Variants in PKD1 observed in about 807,000 individuals in gnomAD.
The protein encoded by PKD1 is polycystin-1.
A neutral mutation model predicts 361.7 loss-of-function variants in PKD1; 81 were observed. The ratio of observed to expected loss-of-function variants is 0.22; its 90% CI spans 0.19 to 0.27. The LOEUF is 0.27. Ranked by LOEUF, PKD1 falls within the 10% of genes least tolerant of loss-of-function variation. The pLI is 1.00. For synonymous variants in PKD1, 3,615 were observed against 2,818.3 expected, an observed-to-expected ratio of 1.28 and a Z score of -8.95; for missense variants, 6,399 against 6,118.3, an observed-to-expected ratio of 1.05 and a Z score of -1.53.
chr16:2,127,361 T>G (rs941274732), intron 1 of PKD1, among the ~76,000 whole-genome samples: 1 of 152,002 alleles, frequency 6.6e-6, no homozygotes, highest in African/African-American at 2.4e-5. Flanking sequence ...CACCCAGATG[T>G]AGGCACAAGC....
At chr16:2,096,950 A>C in intron 34 of PKD1, 198 bp downstream of exon 34, 1 of 603,164 alleles carries the variant, frequency 1.7e-6, no homozygotes, top group Non-Finnish European at 3.0e-6. Flanking sequence ...CCCTCCCTAG[A>C]GGGAAGGTTC....
Position 2,090,812 on chromosome 16 carries a change from C to G in PKD1, c.12004-4G>C, listed in dbSNP as rs368567158. On this transcript the variant is annotated splice_region_variant and splice_polypyrimidine_tract_variant and intron_variant, in intron 43 of 45. Coordinates refer to ENST00000262304, the MANE Select transcript of PKD1 (RefSeq NM_001009944.3). ...CGAAGCGTAGCTGCTGGGCAGCCTG[C>G]GGACGAGAAATCTGTCTGCTTGCAG... 4 of 1,612,144 alleles carry G rather than the reference C, an allele frequency of 2.5e-6. No homozygotes were observed. The highest frequency in any genetic ancestry group is 1.3e-5 in the African/African-American group (1 of 74,940).
intron 41 of PKD1, 70 bp from the exon 42 acceptor site, chr16:2,091,667 CGTGGCTGA>C (rs2091587945): frequency 3.8e-6 from 6 of 1,559,110 alleles, no homozygotes; most frequent in Admixed American, 3.7e-5. Context: ...GCAGTGCAGG[CGTGGCTGA>C]GGGGCTGTGG....
At chr16:2,097,638 A>T in intron 32 of PKD1, 90 bp downstream of exon 32, 1 of 1,610,556 alleles carries the variant, frequency 6.2e-7, no homozygotes, top group Non-Finnish European at 8.5e-7. Context: ...GGAGCCACAG[A>T]CACCCAGCAA....
chr16:2,115,144 A>C (rs1031022515), intron 10 of PKD1: 1 of 904,088 alleles, frequency 1.1e-6, no homozygotes, highest in Non-Finnish European at 1.3e-6. Context: ...AGGAAGGAGC[A>C]GCTGTGCTGG....
At chr16:2,129,356 C>G (rs965977047) in intron 1 of PKD1, among the ~76,000 whole-genome samples, 3 of 151,172 alleles carry the variant, frequency 2.0e-5, no homozygotes, top group Non-Finnish European at 4.4e-5. Flanking sequence ...AGGCTGGCCT[C>G]AAACTCCTGG....
intron 16 of PKD1, 144 bp downstream of exon 16, chr16:2,107,739 G>A (rs1170530244): frequency 6.5e-6 from 5 of 771,972 alleles, no homozygotes; most frequent in Admixed American, 2.1e-5. Context: ...AGCTGAAGCA[G>A]GCTGTCGTGT....
rs541068554 is a variant in PKD1 at position 2,114,916 on chromosome 16, G to A, written c.2107C>T (p.His703Tyr). Residue 703 changes from histidine to tyrosine, a missense_variant, in exon 11 of 46, where the codon CAC becomes TAC. Physicochemically the swap from His to Tyr is moderately conservative, Grantham distance 83. Transcript: ENST00000262304. ...GPPAQYSVTLHGQDVLMLPGD... is the reference protein window; with the variant it reads ...GPPAQYSVTLYGQDVLMLPGD... The stretch of plus-strand genomic sequence containing the variant: ...GGGAGCATGAGGACATCCTGGCCGT[G>A]GAGGGTGACCTGTGGAGAGGGAGGC... 8.5e-6 allele frequency: 13 copies of A among 1,530,654 alleles called. No homozygotes were observed. The South Asian group carries it at 1.4e-4, about 17-fold the overall frequency. The allele number at this position is 1,530,654 out of a possible 1,614,324, so 94.8% of individuals were successfully genotyped here.
chr16:2,099,732 T>C lies in PKD1; in HGVS notation c.9962A>G (p.Asp3321Gly), dbSNP rs2092010200. The change falls in exon 30 of 46, where the codon GAC (aspartate) becomes GGC (glycine). Residue 3321 changes from aspartate to glycine, a missense_variant. Transcript: ENST00000262304. ...HVSRLSPLSV[D>G]TVAVGLVSSV... ...GGACACCAGGCCAACAGCGACTGTG[T>C]CGACGCTCAGCGGGCTCAGCCTGGA... 6.4e-7 allele frequency: 1 copy of C among 1,568,178 alleles called. No homozygotes were observed. The highest frequency in any genetic ancestry group is 1.4e-5 in the African/African-American group (1 of 73,814).
At position 2,089,375 on chromosome 16, in the gene PKD1, C is replaced by A. The variant is rs1001905592; in HGVS notation, c.*352G>T. On this transcript the variant is annotated 3_prime_UTR_variant, in exon 46 of 46. Transcript: ENST00000262304. ...CAGGGTGGCGGCGGTGCAGGCTAACCCTCCCTGAAGCCAGCAGCCTTAGCA... is the reference window on the plus strand; with the variant it reads ...CAGGGTGGCGGCGGTGCAGGCTAACACTCCCTGAAGCCAGCAGCCTTAGCA... The A allele has an allele frequency of 2.5e-6, 1 of 395,978 alleles. No homozygotes were observed. The highest frequency in any genetic ancestry group is 4.6e-6 in the Non-Finnish European group (1 of 215,996). The allele number at this position is 395,978 out of a possible 1,614,324, so 24.5% of individuals were successfully genotyped here. A position where few individuals can be genotyped will look rare whatever the true frequency, so the allele number is the denominator to read the frequency against.
Position 2,099,960 on chromosome 16 carries a change from A to T in PKD1, c.9824T>A (p.Phe3275Tyr), listed in dbSNP as rs1172286668. The part of the protein sequence containing the change: ...SIWDRPPRSR[F>Y]TRIQRATCCV... ...GCAGGTGGCCCTCTGGATGCGAGTG[A>T]AACGGCTACGAGGCGGCCGGTCCCA... Residue 3275 changes from phenylalanine to tyrosine, a missense_variant, in exon 29 of 46, where the codon TTC becomes TAC. Physicochemically the swap from Phe to Tyr is conservative, Grantham distance 22. Transcript: ENST00000262304. 4 of 1,563,830 alleles carry T rather than the reference A, an allele frequency of 2.6e-6. No homozygotes were observed. Among genetic ancestry groups the T allele is most frequent in the Non-Finnish European group, 3.5e-6 (4 of 1,155,694 alleles).
At position 2,097,260 on chromosome 16, in the gene PKD1, T is replaced by TA; in HGVS notation, c.10406-20dup. 1 of 1,600,838 alleles carries TA rather than the reference T, an allele frequency of 6.2e-7. No homozygotes were observed. Among genetic ancestry groups the TA allele is most frequent in the East Asian group, 2.3e-5 (1 of 44,430 alleles). On this transcript the variant is annotated intron_variant, in intron 33 of 45. Coordinates refer to ENST00000262304, the MANE Select transcript of PKD1 (RefSeq NM_001009944.3). ...TCTTCATCTAGAGGTACAGGAGGCA[T>TA]AGGGTGGGCCCAGCTGCAAGGGTGA... is the stretch of plus-strand genomic sequence containing the variant.
intron 11 of PKD1, chr16:2,113,749 G>A (rs1450890827): frequency 3.9e-5 from 14 of 362,750 alleles, no homozygotes; most frequent in Non-Finnish European, 6.7e-5. Flanking sequence ...GTACCCGCAA[G>A]ATGGAGACAG....
At chr16:2,113,326 G>A (rs2092568580) in intron 11 of PKD1, 34 bp from the exon 12 acceptor site, 1 of 1,594,694 alleles carries the variant, frequency 6.3e-7, no homozygotes, top group Middle Eastern at 2.3e-4. Context: ...TGGGCTCTGT[G>A]GAGGACTCTG....
In PKD1 at chr16:2,119,158, C is replaced by T. The variant is rs771238925; in HGVS notation, c.315G>A (p.Thr105=). ...AATTAGCAAATATTCCTTCTTCTAA[C>T]GTAGAAATCTTGTTGTTGCTTATAT... ...ELDISNNKIS[T]LEEGIFANLF... is the part of the protein sequence containing the mutation. The change falls in exon 3 of 46, where the codon ACG becomes ACA. Residue 105 remains threonine, a synonymous_variant. Coordinates refer to ENST00000262304, the MANE Select transcript of PKD1 (RefSeq NM_001009944.3). The T allele has an allele frequency of 3.5e-5, 53 of 1,509,176 alleles. No individual in the cohort carries two copies. The South Asian group carries it at 5.5e-4, about 16-fold the overall frequency. 93.5% of individuals were successfully genotyped at this position (1,509,176 alleles called of 1,614,324 possible). A position where few individuals can be genotyped will look rare whatever the true frequency, so the allele number is the denominator to read the frequency against.
chr16:2,092,424 C>T, intron 39 of PKD1, 56 bp downstream of exon 39: 3 of 1,254,864 alleles, frequency 2.4e-6, no homozygotes, highest in Non-Finnish European at 3.5e-6. Flanking sequence ...CCGCTAAAGG[C>T]TGCTCTCTCA....
intron 1 of PKD1, among the ~76,000 whole-genome samples, chr16:2,124,308 C>T (rs9934045): frequency 0.027 from 4,068 of 152,330 alleles, 199 homozygotes; most frequent in African/African-American, 0.092. Flanking sequence ...AACCCCAGGT[C>T]GGGCCCCCTC....
At position 2,108,586 on chromosome 16, in the gene PKD1, C is replaced by G. The variant is rs746345610; in HGVS notation, c.6581G>C (p.Ser2194Thr). The change falls in exon 15 of 46, where the codon AGC (serine) becomes ACC (threonine). Residue 2194 changes from serine to threonine, a missense_variant. Physicochemically the swap from Ser to Thr is moderately conservative, Grantham distance 58. Coordinates refer to ENST00000262304, the MANE Select transcript of PKD1 (RefSeq NM_001009944.3). ...EYRWEVYRTA[S>T]CQRPGRPARV... ...CGCTGGGCGCCCCGGCCGCTGGCAG[C>G]TGGCGGTGCGATACACCTCCCAGCG... 1.3e-6 allele frequency: 2 copies of G among 1,558,622 alleles called. No individual in the cohort carries two copies. Among genetic ancestry groups the G allele is most frequent in the South Asian group, 2.3e-5 (2 of 85,610 alleles).
rs565770570 is a variant in PKD1, at chr16:2,129,740, G to A, written c.215+5735C>T. 5.3e-5 allele frequency among the ~76,000 whole-genome samples: 8 copies of A among 150,476 alleles called. No individual in the cohort carries two copies. In the South Asian group the frequency reaches 1.1e-3, roughly 20 times the overall value. The stretch of plus-strand genomic sequence containing the variant: ...AATGTTCTTTTATTTTTTAGAGACC[G>A]GGGTCTCACCCTGTTGCCCAGGCTG... On this transcript the variant is annotated intron_variant, in intron 1 of 45. Coordinates refer to ENST00000262304, the MANE Select transcript of PKD1 (RefSeq NM_001009944.3).
Sources: gnomAD v4.1 joint callset for allele counts (sites outside exome capture counted in the v4.1 genomes callset) on GRCh38, gnomAD v4.1.1 for gene constraint, MANE v1.5 for transcripts, NCBI Gene and HGNC (gene_info 2026-07-23, HGNC 2026-07-21) for gene names.